The following WFS1 variants were observed in gnomAD, a reference collection of about 807,000 sequenced individuals.
The protein encoded by WFS1 is wolframin ER transmembrane glycoprotein.
Under a neutral mutation model 68.5 loss-of-function variants are expected in WFS1, and 90 were observed. That is an observed-to-expected ratio of 1.31 (90% CI 1.11 to 1.56). The LOEUF (loss-of-function observed/expected upper bound fraction) is 1.56. WFS1 is among the 40% of genes most tolerant of loss of function. The pLI, the probability that WFS1 is intolerant of heterozygous loss-of-function variation, is 0.00. For missense variants in WFS1, 1,767 were observed against 1,232.6 expected (o/e 1.43, Z -6.49); for synonymous variants, 860 against 540.7 (o/e 1.59, Z -8.19).
rs1412844849 is a variant in WFS1 at position 6,283,339 on chromosome 4, A to G, written c.233-3754A>G. ...GACTTTCAAAGAATGAGTTAGATTC[A>G]GGACCCTTTTAGTTGTAAGTGACAA... On this transcript the variant is annotated intron_variant, in intron 2 of 7. Transcript: ENST00000226760. This position sits in a 1 kb window ranked among gnomAD's most constrained non-coding sequence, Gnocchi z 5.0. 6.6e-6 allele frequency among the ~76,000 whole-genome samples: 1 copy of G among 152,240 alleles called. No individual in the cohort carries two copies. The highest frequency in any genetic ancestry group is 1.5e-5 in the Non-Finnish European group (1 of 68,032).
At chr4:6,274,346 C>T (rs183943379) in intron 1 of WFS1, among the ~76,000 whole-genome samples, 2 of 152,014 alleles carry the variant, frequency 1.3e-5, no homozygotes, top group South Asian at 2.1e-4. Context: ...CGCGCCTGGC[C>T]GGCTTAGTTT....
intron 1 of WFS1, among the ~76,000 whole-genome samples, chr4:6,270,440 C>T (rs1351301592): frequency 6.7e-6 from 1 of 148,998 alleles, no homozygotes; most frequent in Non-Finnish European, 1.5e-5. Context: ...GCCGTTGGAA[C>T]GCGCCTGGGC....
chr4:6,294,720 G>T lies in WFS1; in HGVS notation c.713-321G>T, dbSNP rs12511742. On this transcript the variant is annotated intron_variant, in intron 6 of 7. Coordinates refer to ENST00000226760, the MANE Select transcript of WFS1 (RefSeq NM_006005.3). Reference sequence around the variant, plus strand: ...GAGGTGCATGTTGTAAGGCTTGGCAGGTGAACTGGGTGAAAGGTGTGGGTG... The same window carrying T: ...GAGGTGCATGTTGTAAGGCTTGGCATGTGAACTGGGTGAAAGGTGTGGGTG... 24,568 of 392,278 alleles carry T rather than the reference G, an allele frequency of 0.063. 1,045 individuals carry two copies. The highest frequency in any genetic ancestry group is 0.17 in the East Asian group (2,932 of 17,050). 24.3% of individuals were successfully genotyped at this position (392,278 alleles called of 1,614,324 possible). A position where few individuals can be genotyped will look rare whatever the true frequency, so the allele number is the denominator to read the frequency against.
intron 6 of WFS1, among the ~76,000 whole-genome samples, chr4:6,292,955 G>T (rs1730507853): frequency 6.6e-6 from 1 of 152,234 alleles, no homozygotes; most frequent in Admixed American, 6.5e-5. Flanking sequence ...CCTCGCCTCT[G>T]CGTGGGCGGA....
At chr4:6,275,781 C>A (rs1263979145) in intron 1 of WFS1, among the ~76,000 whole-genome samples, 3 of 152,168 alleles carry the variant, frequency 2.0e-5, no homozygotes, top group Admixed American at 2.0e-4. Flanking sequence ...GTGTGTGGAG[C>A]CTGGGGCCAC....
At chr4:6,294,333 A>C (rs1730563746) in intron 6 of WFS1, among the ~76,000 whole-genome samples, 1 of 151,784 alleles carries the variant, frequency 6.6e-6, no homozygotes, top group African/African-American at 2.4e-5. Context: ...ATCACGTTGG[A>C]TGGAGGGATC....
At chr4:6,282,418 C>T (rs553944498) in intron 2 of WFS1, among the ~76,000 whole-genome samples, 3 of 152,276 alleles carry the variant, frequency 2.0e-5, no homozygotes, top group East Asian at 3.9e-4. Context: ...TTGTTGTGGG[C>T]GTCACGAGAG....
Position 6,295,134 on chromosome 4 carries a change from A to G in WFS1, c.806A>G (p.Glu269Gly). The G allele has an allele frequency of 6.2e-7, 1 of 1,613,160 alleles. No homozygotes were observed. The highest frequency in any genetic ancestry group is 1.1e-5 in the South Asian group (1 of 91,078). Residue 269 changes from glutamate (E) to glycine (G), a missense_variant, in exon 7 of 8, where the codon GAA (glutamate) becomes GGA (glycine). Coordinates refer to ENST00000226760, the MANE Select transcript of WFS1 (RefSeq NM_006005.3). ...AGCAGCCTGTTCCTGCAGGACGACG[A>G]AGATGATGACGAGCTGGCGGGGAAG... ...IPSSLFLQDD[E>G]DDDELAGKSP...
At chr4:6,280,571 G>C (rs1352958670) in intron 2 of WFS1, among the ~76,000 whole-genome samples, 4 of 152,212 alleles carry the variant, frequency 2.6e-5, no homozygotes. Flanking sequence ...TAGCCCTGGG[G>C]CTAAAGGGCG....
rs781138096 is a variant in WFS1, at chr4:6,301,154, C to T, written c.1359C>T (p.Pro453=). ...SYLSLSTHAE[P]YTRRALATEV... ...TGAGCCTGAGCACCCATGCAGAGCC[C>T]TACACGCGCAGGGCCCTGGCCACCG... is the stretch of plus-strand genomic sequence containing the variant. The change falls in exon 8 of 8, where the codon CCC becomes CCT. Residue 453 remains proline (P), a synonymous_variant. Transcript: ENST00000226760. The T allele has an allele frequency of 2.3e-5, 37 of 1,612,930 alleles. No homozygotes were observed. Among genetic ancestry groups the T allele is most frequent in the Non-Finnish European group, 2.8e-5 (33 of 1,180,002 alleles).
At chr4:6,271,068 G>C (rs1421696503) in intron 1 of WFS1, among the ~76,000 whole-genome samples, 2 of 152,238 alleles carry the variant, frequency 1.3e-5, no homozygotes, top group Non-Finnish European at 2.9e-5. Context: ...CACTCAAGGA[G>C]CTGTGCCCTG....
intron 1 of WFS1, among the ~76,000 whole-genome samples, chr4:6,270,359 C>G (rs1005127118): frequency 6.6e-6 from 1 of 151,446 alleles, no homozygotes; most frequent in African/African-American, 2.4e-5. Flanking sequence ...CCGCGCCATC[C>G]CCCCCGAGTT....
chr4:6,301,970 C>G lies in WFS1; in HGVS notation c.2175C>G (p.Phe725Leu), dbSNP rs375880230. The part of the protein sequence containing the change: ...SAESAINMLP[F>L]FIGDWMRCLY... ...AGTCTGCCATCAACATGCTCCCGTT[C>G]TTCATCGGCGACTGGATGCGCTGCC... Residue 725 changes from phenylalanine (F) to leucine (L), a missense_variant, in exon 8 of 8, where the codon TTC becomes TTG. Transcript: ENST00000226760. 3.1e-6 allele frequency: 5 copies of G among 1,612,708 alleles called. No individual in the cohort carries two copies. The highest frequency in any genetic ancestry group is 3.3e-5 in the Admixed American group (2 of 59,988).
intron 3 of WFS1, among the ~76,000 whole-genome samples, chr4:6,288,043 C>T (rs916425081): frequency 1.3e-5 from 2 of 152,044 alleles, no homozygotes; most frequent in African/African-American, 2.4e-5. Flanking sequence ...ATGATGAAAC[C>T]GTGTCTCCAC....
At position 6,303,180 on chromosome 4, in the gene WFS1, T is replaced by C. The variant is rs1356331984; in HGVS notation, c.*712T>C. The C allele has an allele frequency of 6.6e-6, 1 of 152,662 alleles. No individual in the cohort carries two copies. Among genetic ancestry groups the C allele is most frequent in the East Asian group, 1.9e-4 (1 of 5,204 alleles). The allele number at this position is 152,662 out of a possible 1,614,324, so 9.5% of individuals were successfully genotyped here. A position where few individuals can be genotyped will look rare whatever the true frequency, so the allele number is the denominator to read the frequency against. On this transcript the variant is annotated 3_prime_UTR_variant, in exon 8 of 8. Transcript: ENST00000226760. ...TGTGGGGGAGGTCCCTGCCAGTGTTTAGAAGAGCCTGACTGTGTTCAGTGC... is the reference window on the plus strand; with the variant it reads ...TGTGGGGGAGGTCCCTGCCAGTGTTCAGAAGAGCCTGACTGTGTTCAGTGC...
rs1363529552 is a variant in WFS1 at position 6,288,809 on chromosome 4, G to A, written c.316-178G>A. On this transcript the variant is annotated intron_variant, in intron 3 of 7. Coordinates refer to ENST00000226760, the MANE Select transcript of WFS1 (RefSeq NM_006005.3). ...TTCCTCACCGTGTTTTGAGGAGCGAGTGGCCGGAGGCTCAGTAGGGCCTAG... is the reference window on the plus strand; with the variant it reads ...TTCCTCACCGTGTTTTGAGGAGCGAATGGCCGGAGGCTCAGTAGGGCCTAG... The A allele has an allele frequency of 6.6e-6, 6 of 912,352 alleles. No homozygotes were observed. The South Asian group carries it at 7.6e-5, about 11-fold the overall frequency. 56.5% of individuals were successfully genotyped at this position (912,352 alleles called of 1,614,324 possible). A position where few individuals can be genotyped will look rare whatever the true frequency, so the allele number is the denominator to read the frequency against.
rs112436902 is a variant in WFS1, at chr4:6,297,493, T to C, written c.861+2304T>C. On this transcript the variant is annotated intron_variant, in intron 7 of 7. Coordinates refer to ENST00000226760, the MANE Select transcript of WFS1 (RefSeq NM_006005.3). ...TAGAATCCTCTGAAAACAAACTTAA[T>C]ATCTTAAAATCGTAACATTTTTAAC... Among the ~76,000 whole-genome samples the C allele has an allele frequency of 6.4e-3, 982 of 152,348 alleles. 7 individuals are homozygous for C. Among genetic ancestry groups the C allele is most frequent in the Middle Eastern group, 0.014 (4 of 294 alleles).
At chr4:6,275,817 C>T (rs1578584319) in intron 1 of WFS1, among the ~76,000 whole-genome samples, 1 of 152,136 alleles carries the variant, frequency 6.6e-6, no homozygotes, top group Admixed American at 6.5e-5. Flanking sequence ...TCACAGCTGC[C>T]CCCAAAAGTG....
chr4:6,293,177 G>C (rs1329716453), intron 6 of WFS1, among the ~76,000 whole-genome samples: 1 of 151,748 alleles, frequency 6.6e-6, no homozygotes, highest in Admixed American at 6.6e-5. Context: ...ATCCTGGGGG[G>C]CACTGCAGGC....
Sources: gnomAD v4.1 joint callset for allele counts (sites outside exome capture counted in the v4.1 genomes callset) on GRCh38, gnomAD v4.1.1 for gene constraint, Gnocchi (gnomAD v3.1) non-coding constraint, MANE v1.5 for transcripts, NCBI Gene and HGNC (gene_info 2026-07-23, HGNC 2026-07-21) for gene names.